The following AKR1C8 variants were observed in gnomAD, a reference collection of about 807,000 sequenced individuals.
AKR1C8 encodes the protein aldo-keto reductase family 1 member C8, also known as aldo-keto reductase family 1 member C-like protein 1.
chr10:5,132,537 G>A, the AKR1C8 span: 10 of 1,311,186 alleles, frequency 7.6e-6, no homozygotes, highest in African/African-American at 1.4e-4. Flanking sequence ...TCCAGTTACA[G>A]AATTGTCATC....
the AKR1C8 span, among the ~76,000 whole-genome samples, chr10:5,156,144 G>A: frequency 0.039 from 5,983 of 152,166 alleles, 408 homozygotes; most frequent in African/African-American, 0.14. Flanking sequence ...CTCACTTCCC[G>A]TGGAACCTGA....
At chr10:5,157,472 T>A in the AKR1C8 span, among the ~76,000 whole-genome samples, 458 of 152,334 alleles carry the variant, frequency 3.0e-3, 1 homozygote, top group Non-Finnish European at 5.1e-3. Context: ...CTGAGGACTC[T>A]GAGTTCAGTG....
the AKR1C8 span, chr10:5,132,554 C>T: frequency 2.8e-6 from 4 of 1,410,256 alleles, no homozygotes; most frequent in Non-Finnish European, 3.8e-6. Flanking sequence ...CATCTCCACA[C>T]TATCACATTA....
the AKR1C8 span, among the ~76,000 whole-genome samples, chr10:5,160,334 G>C: frequency 1.3e-5 from 2 of 151,834 alleles, no homozygotes; most frequent in Non-Finnish European, 1.5e-5. Context: ...AGACTCTTGG[G>C]TTTTCTGTTA....
chr10:5,173,203 C>A, the AKR1C8 span, among the ~76,000 whole-genome samples: 1 of 151,788 alleles, frequency 6.6e-6, no homozygotes, highest in Non-Finnish European at 1.5e-5. Context: ...ATTCAGTTAA[C>A]TGGGAAAAAA....
the AKR1C8 span, among the ~76,000 whole-genome samples, chr10:5,173,433 G>C: frequency 2.0e-5 from 3 of 151,952 alleles, no homozygotes; most frequent in African/African-American, 7.2e-5. Context: ...GGGACTGAAG[G>C]CTTGGAGGCA....
the AKR1C8 span, among the ~76,000 whole-genome samples, chr10:5,119,779 T>C: frequency 6.6e-6 from 1 of 152,184 alleles, no homozygotes; most frequent in Non-Finnish European, 1.5e-5. Context: ...CTTCAGATAA[T>C]GGATAACAAG....
At chr10:5,151,094 C>T in the AKR1C8 span, among the ~76,000 whole-genome samples, 1 of 152,036 alleles carries the variant, frequency 6.6e-6, no homozygotes, top group Non-Finnish European at 1.5e-5. Context: ...TGCACTGAGT[C>T]AGTTCATGGG....
At chr10:5,141,216 A>C in the AKR1C8 span, among the ~76,000 whole-genome samples, 1 of 152,186 alleles carries the variant, frequency 6.6e-6, no homozygotes, top group Non-Finnish European at 1.5e-5. Context: ...TTGTGCATTC[A>C]TATGAAGGAA....
At chr10:5,126,254 C>T in the AKR1C8 span, among the ~76,000 whole-genome samples, 1 of 152,174 alleles carries the variant, frequency 6.6e-6, no homozygotes, top group African/African-American at 2.4e-5. Context: ...TCCTGGAACA[C>T]TTCAGAATGA....
chr10:5,144,142 A>G, the AKR1C8 span, among the ~76,000 whole-genome samples: 18 of 152,192 alleles, frequency 1.2e-4, no homozygotes, highest in East Asian at 1.9e-3. Flanking sequence ...TCCTTTCCCC[A>G]TTGCTTGTTT....
chr10:5,132,616 ATATGTCTTCTCTC>A, the AKR1C8 span: 5 of 1,582,200 alleles, frequency 3.2e-6, no homozygotes, highest in Non-Finnish European at 4.3e-6. Flanking sequence ...GAAGTGTAGA[ATATGTCTTCTCTC>A]TTCACACTGT....
chr10:5,164,953 A>T, the AKR1C8 span, among the ~76,000 whole-genome samples: 3 of 152,266 alleles, frequency 2.0e-5, no homozygotes, highest in Admixed American at 6.5e-5. Flanking sequence ...ATAATGTTAT[A>T]GCATTTTTAC....
chr10:5,126,480 G>C, the AKR1C8 span, among the ~76,000 whole-genome samples: 1 of 152,150 alleles, frequency 6.6e-6, no homozygotes, highest in East Asian at 1.9e-4. Context: ...CCTTTACGTT[G>C]ATAAGATAGG....
At chr10:5,127,461 G>C in the AKR1C8 span, among the ~76,000 whole-genome samples, 1 of 152,128 alleles carries the variant, frequency 6.6e-6, no homozygotes. Flanking sequence ...GCTCACACCT[G>C]TAATCCCAGC....
the AKR1C8 span, among the ~76,000 whole-genome samples, chr10:5,144,189 T>C: frequency 6.6e-6 from 1 of 152,154 alleles, no homozygotes; most frequent in Non-Finnish European, 1.5e-5. Context: ...GTTGTAGATA[T>C]GCGGTGTTAC....
At chr10:5,122,861 G>C in the AKR1C8 span, among the ~76,000 whole-genome samples, 1 of 151,872 alleles carries the variant, frequency 6.6e-6, no homozygotes, top group Non-Finnish European at 1.5e-5. Flanking sequence ...AATACCCAAA[G>C]ACTTTAACAG....
the AKR1C8 span, among the ~76,000 whole-genome samples, chr10:5,145,500 GAAAAAAA>G: frequency 6.6e-6 from 1 of 151,368 alleles, no homozygotes; most frequent in Non-Finnish European, 1.5e-5. Context: ...AAATTTACAA[GAAAAAAA>G]ACAAACAACC....
At chr10:5,132,791 G>C in the AKR1C8 span, 9 of 1,102,368 alleles carry the variant, frequency 8.2e-6, no homozygotes, top group Non-Finnish European at 1.2e-5. Flanking sequence ...ATGAAAAGTA[G>C]TATTTGGTGA....
Sources: allele counts gnomAD v4.1 joint callset (sites outside exome capture counted in the v4.1 genomes callset), GRCh38; gene constraint gnomAD v4.1.1; transcripts MANE v1.5; gene names NCBI Gene and HGNC (gene_info 2026-07-23, HGNC 2026-07-21).